The following SULT4A1 variants were observed in gnomAD, a reference collection of about 807,000 sequenced individuals.
SULT4A1 encodes sulfotransferase family 4A member 1, also known as sulfotransferase 4A1.
Under a neutral mutation model 35.2 loss-of-function variants are expected in SULT4A1, and 11 were observed. That is an observed-to-expected ratio of 0.31 (90% CI 0.20 to 0.52). The LOEUF is 0.52. Ranked by LOEUF, SULT4A1 falls within the 20% of genes least tolerant of loss-of-function variation. The pLI is 0.97. For synonymous variants in SULT4A1, 152 were observed against 151.8 expected, an observed-to-expected ratio of 1.00 and a Z score of -0.01; for missense variants, 271 against 383.7, an observed-to-expected ratio of 0.71 and a Z score of 2.45.
intron 1 of SULT4A1, 117 bp from the exon 2 acceptor site, chr22:43,842,049 G>A: frequency 7.0e-7 from 1 of 1,437,146 alleles, no homozygotes; most frequent in Non-Finnish European, 9.2e-7. Flanking sequence ...TGGGGCCCAG[G>A]GCGACTGAGT....
rs759397351 is a variant in SULT4A1 at position 43,841,856 on chromosome 22, G to A, written c.246C>T (p.Ile82=). Residue 82 remains isoleucine (I), a synonymous_variant, in exon 2 of 7, where the codon ATC becomes ATT. Transcript: ENST00000330884. ...ADPDEIGLMN[I]DEQLPVLEYP... is the part of the protein sequence containing the mutation. Reference sequence around the variant, plus strand: ...ACTCCAGGACCGGGAGCTGCTCGTCGATGTTCATCAAGCCGATCTCATCGG... The same window carrying A: ...ACTCCAGGACCGGGAGCTGCTCGTCAATGTTCATCAAGCCGATCTCATCGG... 14 of 1,613,838 alleles carry A rather than the reference G, an allele frequency of 8.7e-6. No homozygotes were observed. The highest frequency in any genetic ancestry group is 1.6e-4 in the Middle Eastern group (1 of 6,078).
At chr22:43,859,088 T>C (rs1204827702) in intron 1 of SULT4A1, among the ~76,000 whole-genome samples, 1 of 152,136 alleles carries the variant, frequency 6.6e-6, no homozygotes, top group Non-Finnish European at 1.5e-5. Flanking sequence ...CATCACCTCA[T>C]GCCCAGCCCT....
chr22:43,826,460 T>G (rs1490235970), intron 6 of SULT4A1: 1 of 985,234 alleles, frequency 1.0e-6, no homozygotes, highest in Non-Finnish European at 1.2e-6. Context: ...GAACGGCACC[T>G]GGCACGTGGC....
intron 1 of SULT4A1, among the ~76,000 whole-genome samples, chr22:43,861,716 C>T (rs1050223827): frequency 4.6e-5 from 7 of 152,230 alleles, no homozygotes; most frequent in Non-Finnish European, 1.0e-4. Context: ...CATCCCCCAC[C>T]CGGAGCCCAG....
In SULT4A1 at chr22:43,824,745, C is replaced by T. The variant is rs967662790; in HGVS notation, c.*1256G>A. On this transcript the variant is annotated 3_prime_UTR_variant, in exon 7 of 7. Coordinates refer to ENST00000330884, the MANE Select transcript of SULT4A1 (RefSeq NM_014351.4). ...AAAAACACAAGCTTCTCTCTACACC[C>T]GTTTCAAATACAGCACCAAGAACGG... is the stretch of plus-strand genomic sequence containing the variant. 1 of 152,280 alleles carries T rather than the reference C, an allele frequency of 6.6e-6. No homozygotes were observed. The highest frequency in any genetic ancestry group is 1.5e-5 in the Non-Finnish European group (1 of 68,034). The allele number at this position is 152,280 out of a possible 1,614,324, so 9.4% of individuals were successfully genotyped here.
chr22:43,856,466 C>T (rs888237637), intron 1 of SULT4A1, among the ~76,000 whole-genome samples: 1 of 152,192 alleles, frequency 6.6e-6, no homozygotes, highest in African/African-American at 2.4e-5. Flanking sequence ...AAAAGCCCTA[C>T]CCAGACCCAG....
chr22:43,861,941 G>A (rs1238171731), intron 1 of SULT4A1, among the ~76,000 whole-genome samples: 1 of 152,196 alleles, frequency 6.6e-6, no homozygotes, highest in African/African-American at 2.4e-5. Context: ...CTGCAGCGCC[G>A]GCCAAATAGG....
chr22:43,833,517 CCT>C, intron 5 of SULT4A1, 121 bp downstream of exon 5: 1 of 606,256 alleles, frequency 1.6e-6, no homozygotes, highest in Admixed American at 2.5e-5. Context: ...CCCGCCCCCT[CCT>C]CTGTCCCTCC....
chr22:43,839,868 G>A (rs2063410282), intron 3 of SULT4A1, 77 bp downstream of exon 3: 1 of 1,367,508 alleles, frequency 7.3e-7, no homozygotes, highest in Non-Finnish European at 1.0e-6. Flanking sequence ...CCAGGGACCT[G>A]CATGTGTATT....
chr22:43,829,299 G>A, intron 5 of SULT4A1, 101 bp from the exon 6 acceptor site: 1 of 1,309,086 alleles, frequency 7.6e-7, no homozygotes, highest in Admixed American at 3.2e-5. Context: ...TTTACACACG[G>A]CCTTCCTTAC....
intron 1 of SULT4A1, 65 bp downstream of exon 1, chr22:43,862,149 C>G: frequency 1.6e-6 from 2 of 1,262,738 alleles, no homozygotes; most frequent in Admixed American, 4.2e-5. Context: ...GCGGGCGCGG[C>G]GTCTACGCGG....
intron 1 of SULT4A1, among the ~76,000 whole-genome samples, chr22:43,850,064 CCCGCCTGCGAAGCAGTCGGG>C (rs2063501156): frequency 6.6e-6 from 1 of 152,208 alleles, no homozygotes; most frequent in South Asian, 2.1e-4. Context: ...TACTCCAGCT[CCCGCCTGCGAAGCAGTCGGG>C]AAATGTCTGG....
intron 2 of SULT4A1, 70 bp downstream of exon 2, chr22:43,841,732 C>T: frequency 6.4e-7 from 1 of 1,562,486 alleles, no homozygotes; most frequent in African/African-American, 1.3e-5. Flanking sequence ...GAGCAACTGT[C>T]AATCATCAGG....
Position 43,858,363 on chromosome 22 carries a change from G to A in SULT4A1, c.169+3851C>T, listed in dbSNP as rs181171910. On this transcript the variant is annotated intron_variant, in intron 1 of 6. Coordinates refer to ENST00000330884, the MANE Select transcript of SULT4A1 (RefSeq NM_014351.4). ...TCTGCAGGCTTTTGCCTCCCAGCCC[G>A]GTTGAGTGATGGGGAGAAACGTGAC... Among the ~76,000 whole-genome samples the A allele has an allele frequency of 4.1e-4, 62 of 152,238 alleles. No individual in the cohort carries two copies. The East Asian group carries it at 7.1e-3, about 18-fold the overall frequency.
At chr22:43,853,501 G>A (rs1239909838) in intron 1 of SULT4A1, among the ~76,000 whole-genome samples, 4 of 152,192 alleles carry the variant, frequency 2.6e-5, no homozygotes, top group East Asian at 3.9e-4. Flanking sequence ...GTCACTGGCC[G>A]TGCCTCCCTC....
intron 1 of SULT4A1, among the ~76,000 whole-genome samples, chr22:43,847,179 G>C (rs962580393): frequency 6.6e-6 from 1 of 151,490 alleles, no homozygotes; most frequent in African/African-American, 2.4e-5. Flanking sequence ...GTCAACGTGG[G>C]CATCAGGGAG....
chr22:43,860,244 T>C (rs1243966873), intron 1 of SULT4A1, among the ~76,000 whole-genome samples: 1 of 152,182 alleles, frequency 6.6e-6, no homozygotes, highest in African/African-American at 2.4e-5. Context: ...CTGTTAGTCC[T>C]GGCTACTTGC....
chr22:43,835,605 C>G (rs1004666416), intron 4 of SULT4A1, among the ~76,000 whole-genome samples: 2 of 152,190 alleles, frequency 1.3e-5, no homozygotes, highest in African/African-American at 2.4e-5. Context: ...GGGGCCCAGA[C>G]AGGGAAGCCC....
intron 1 of SULT4A1, among the ~76,000 whole-genome samples, chr22:43,852,857 C>T (rs2049357553): frequency 6.6e-6 from 1 of 151,580 alleles, no homozygotes; most frequent in Non-Finnish European, 1.5e-5. Context: ...GCTACGACTT[C>T]CCCCTTGGGT....
Sources: allele counts gnomAD v4.1 joint callset (sites outside exome capture counted in the v4.1 genomes callset), GRCh38; gene constraint gnomAD v4.1.1; transcripts MANE v1.5; gene names NCBI Gene and HGNC (gene_info 2026-07-23, HGNC 2026-07-21).